The following GALNTL6 variants were observed in gnomAD, a reference collection of about 807,000 sequenced individuals.
GALNTL6 encodes the protein polypeptide N-acetylgalactosaminyltransferase-like 6.
Under a neutral mutation model 73.7 loss-of-function variants are expected in GALNTL6, and 46 were observed. The ratio of observed to expected loss-of-function variants is 0.62; its 90% CI spans 0.49 to 0.80. The LOEUF (loss-of-function observed/expected upper bound fraction) is 0.80, where lower values mean the gene tolerates loss of function less well. GALNTL6 is among the 30% of genes least tolerant of loss of function. The pLI, the probability that GALNTL6 is intolerant of heterozygous loss-of-function variation, is 0.00. For missense variants in GALNTL6, 604 were observed against 755.0 expected, an observed-to-expected ratio of 0.80 and a Z score of 2.34; for synonymous variants, 259 against 263.7, an observed-to-expected ratio of 0.98 and a Z score of 0.17.
intron 5 of GALNTL6, among the ~76,000 whole-genome samples, chr4:172,369,309 T>C (rs557572561): frequency 6.6e-6 from 1 of 152,306 alleles, no homozygotes; most frequent in Non-Finnish European, 1.5e-5. Flanking sequence ...TTGGTGCGTT[T>C]ACAAACCTTT....
chr4:172,045,498 G>A (rs901501020), intron 2 of GALNTL6, among the ~76,000 whole-genome samples: 1 of 151,796 alleles, frequency 6.6e-6, no homozygotes, highest in Non-Finnish European at 1.5e-5. Context: ...TTTTTTTAAA[G>A]GGTCAAATGC....
In GALNTL6 at chr4:171,944,378, C is replaced by T. The variant is rs150923611; in HGVS notation, c.138+129660C>T. On this transcript the variant is annotated intron_variant, in intron 2 of 12. Transcript: ENST00000506823. ...AACAGTATGAAGACTAAGTGATCTA[C>T]GCCACAGCTTCAAAATTAAAAAGAC... Among the ~76,000 whole-genome samples, 1,248 of 152,046 alleles carry T rather than the reference C, an allele frequency of 8.2e-3. 9 individuals carry two copies. Among genetic ancestry groups the T allele is most frequent in the African/African-American group, 0.022 (913 of 41,512 alleles).
intron 2 of GALNTL6, among the ~76,000 whole-genome samples, chr4:171,983,492 AT>A (rs947948158): frequency 4.0e-5 from 6 of 150,608 alleles, no homozygotes; most frequent in Admixed American, 2.7e-4. Flanking sequence ...TTATTTATTT[AT>A]TTATTTATTT....
chr4:172,915,171 G>A (rs1187102703), intron 8 of GALNTL6, among the ~76,000 whole-genome samples: 1 of 152,140 alleles, frequency 6.6e-6, no homozygotes, highest in African/African-American at 2.4e-5. Context: ...ATGAAATGAA[G>A]GCAGAAATAA....
At chr4:171,932,289 T>G (rs901696677) in intron 2 of GALNTL6, among the ~76,000 whole-genome samples, 1 of 152,228 alleles carries the variant, frequency 6.6e-6, no homozygotes, top group Non-Finnish European at 1.5e-5. Context: ...CTACAACAAT[T>G]TTGAAGCTTG....
rs542171781 is a variant in GALNTL6 at position 171,987,061 on chromosome 4, T to G, written c.138+172343T>G. Among the ~76,000 whole-genome samples, 120 of 152,196 alleles carry G rather than the reference T, an allele frequency of 7.9e-4. 1 individual carries two copies. The highest frequency in any genetic ancestry group is 2.6e-3 in the African/African-American group (109 of 41,514). On this transcript the variant is annotated intron_variant, in intron 2 of 12. Transcript: ENST00000506823. ...GTTTTTGGGGGCACAGTCTAAGTTG[T>G]TCTGGTGTCTGGAATGAGACTGGGG...
chr4:171,935,682 G>C (rs1415902595), intron 2 of GALNTL6, among the ~76,000 whole-genome samples: 1 of 152,044 alleles, frequency 6.6e-6, no homozygotes, highest in Admixed American at 6.6e-5. Flanking sequence ...TGTGGCCCAG[G>C]CTTCTATATT....
intron 7 of GALNTL6, among the ~76,000 whole-genome samples, chr4:172,833,961 A>G (rs1189974353): frequency 6.6e-6 from 1 of 152,144 alleles, no homozygotes. Flanking sequence ...CTAAAAATAC[A>G]ACAAAAATAG....
intron 5 of GALNTL6, among the ~76,000 whole-genome samples, chr4:172,436,050 C>G (rs891440262): frequency 6.6e-6 from 1 of 152,064 alleles, no homozygotes; most frequent in Non-Finnish European, 1.5e-5. Flanking sequence ...CTGCCAGTCT[C>G]CTTTCCGTAT....
intron 9 of GALNTL6, among the ~76,000 whole-genome samples, chr4:172,934,780 G>T (rs1032858555): frequency 6.6e-6 from 1 of 152,188 alleles, no homozygotes; most frequent in East Asian, 1.9e-4. Context: ...TCACAGAAGC[G>T]TGAGCAGCTC....
In GALNTL6 at chr4:172,855,383, T is replaced by C. The variant is rs533672835; in HGVS notation, c.924-27407T>C. On this transcript the variant is annotated intron_variant, in intron 7 of 12. Coordinates refer to ENST00000506823, the MANE Select transcript of GALNTL6 (RefSeq NM_001034845.3). ...ATATACTTAATAATAGTTTCAGGGGTATTTTGCTCATGATGAAACTCAATT... is the reference window on the plus strand; with the variant it reads ...ATATACTTAATAATAGTTTCAGGGGCATTTTGCTCATGATGAAACTCAATT... Among the ~76,000 whole-genome samples the C allele has an allele frequency of 1.3e-4, 20 of 152,292 alleles. No homozygotes were observed. The South Asian group carries it at 4.1e-3, about 32-fold the overall frequency.
At chr4:171,999,587 G>T (rs946547530) in intron 2 of GALNTL6, among the ~76,000 whole-genome samples, 7 of 152,028 alleles carry the variant, frequency 4.6e-5, no homozygotes, top group Non-Finnish European at 8.8e-5. Context: ...ATGGTAGTTT[G>T]ATTTCATTTC....
At chr4:172,284,795 G>A (rs1739190477) in intron 3 of GALNTL6, among the ~76,000 whole-genome samples, 1 of 152,150 alleles carries the variant, frequency 6.6e-6, no homozygotes, top group Non-Finnish European at 1.5e-5. Flanking sequence ...TCAGCTGGCT[G>A]TGGATATGTG....
chr4:172,311,828 A>ATTTT (rs1740375347), intron 4 of GALNTL6, 76 bp downstream of exon 4: 13 of 1,007,644 alleles, frequency 1.3e-5, no homozygotes, highest in Non-Finnish European at 1.8e-5. Flanking sequence ...TTAAATGTGT[A>ATTTT]TCACTGCGAG....
At chr4:173,001,711 C>T (rs552911446) in intron 10 of GALNTL6, among the ~76,000 whole-genome samples, 2 of 152,078 alleles carry the variant, frequency 1.3e-5, no homozygotes, top group Non-Finnish European at 2.9e-5. Context: ...AGGCAAAGAA[C>T]CTGAATAGGC....
chr4:172,966,988 G>A (rs191790789), intron 10 of GALNTL6, among the ~76,000 whole-genome samples: 2 of 152,334 alleles, frequency 1.3e-5, no homozygotes, highest in East Asian at 3.9e-4. Flanking sequence ...CCAAAACATA[G>A]CTACCTCTGT....
At chr4:172,052,511 G>C in intron 2 of GALNTL6, 1 of 1,534,936 alleles carries the variant, frequency 6.5e-7, no homozygotes, top group South Asian at 1.2e-5. Context: ...AGACCACGGA[G>C]TGCATGAGCT....
At chr4:171,853,874 A>G (rs1408059506) in intron 2 of GALNTL6, among the ~76,000 whole-genome samples, 1 of 151,860 alleles carries the variant, frequency 6.6e-6, no homozygotes, top group African/African-American at 2.4e-5. Context: ...GGCCTCCAAA[A>G]GTGCTGGGAT....
At chr4:172,154,664 C>G in intron 2 of GALNTL6, among the ~76,000 whole-genome samples, 1 of 152,188 alleles carries the variant, frequency 6.6e-6, no homozygotes, top group East Asian at 1.9e-4. Flanking sequence ...TGCTTCCTCT[C>G]ACGTAGTCAG....
Sources: gnomAD v4.1 joint callset for allele counts (sites outside exome capture counted in the v4.1 genomes callset) on GRCh38, gnomAD v4.1.1 for gene constraint, MANE v1.5 for transcripts, NCBI Gene and HGNC (gene_info 2026-07-23, HGNC 2026-07-21) for gene names.